GALNT18: variants seen among roughly 807,000 people sequenced by gnomAD.
The protein encoded by GALNT18 is polypeptide N-acetylgalactosaminyltransferase 18.
In GALNT18, 44 loss-of-function variants were observed where a neutral mutation model predicts 69.5. The observed-to-expected ratio is 0.63, with a 90% CI of 0.50 to 0.81. GALNT18 has a LOEUF of 0.81. Ranked by LOEUF, GALNT18 falls within the 40% of genes least tolerant of loss-of-function variation. The pLI is 0.00. For missense variants in GALNT18, 715 were observed against 810.0 expected (o/e 0.88, Z 1.42); for synonymous variants, 364 against 318.2 (o/e 1.14, Z -1.53).
At chr11:11,607,332 CCT>C (rs1324056684) in intron 1 of GALNT18, among the ~76,000 whole-genome samples, 1 of 152,032 alleles carries the variant, frequency 6.6e-6, no homozygotes, top group Non-Finnish European at 1.5e-5. Flanking sequence ...CAAAATAACC[CCT>C]GTTAATCAAG....
intron 9 of GALNT18, among the ~76,000 whole-genome samples, chr11:11,321,749 T>A (rs2133039289): frequency 6.6e-6 from 1 of 152,322 alleles, no homozygotes; most frequent in African/African-American, 2.4e-5. Context: ...ATTACAGGTG[T>A]GTGCCAACAT....
chr11:11,490,227 T>TAA (rs879361945), intron 1 of GALNT18, among the ~76,000 whole-genome samples: 6,549 of 72,472 alleles, frequency 0.09, 128 homozygotes, highest in Non-Finnish European at 0.13. Context: ...TCTCTCTCTC[T>TAA]CTCTCTAACA....
chr11:11,401,353 T>C (rs1383171905), intron 3 of GALNT18, among the ~76,000 whole-genome samples: 1 of 152,212 alleles, frequency 6.6e-6, no homozygotes, highest in Non-Finnish European at 1.5e-5. Context: ...CCAGTAAATG[T>C]GATCCTTCAC....
At chr11:11,510,388 T>C (rs560580201) in intron 1 of GALNT18, among the ~76,000 whole-genome samples, 11 of 152,290 alleles carry the variant, frequency 7.2e-5, no homozygotes, top group South Asian at 2.1e-4. Flanking sequence ...CTCCCTACCC[T>C]GGGTCGTCTC....
Position 11,439,418 on chromosome 11 carries a change from T to G in GALNT18, c.429-6631A>C, listed in dbSNP as rs1855486833. 6.6e-6 allele frequency among the ~76,000 whole-genome samples: 1 copy of G among 152,174 alleles called. No individual in the cohort carries two copies. Among genetic ancestry groups the G allele is most frequent in the Non-Finnish European group, 1.5e-5 (1 of 68,030 alleles). On this transcript the variant is annotated intron_variant, in intron 2 of 10. Coordinates refer to ENST00000227756, the MANE Select transcript of GALNT18 (RefSeq NM_198516.3). This position sits in a 1 kb window ranked among gnomAD's most constrained non-coding sequence, Gnocchi z 4.4. ...CCTGTGGTCACCTGCATAGGTTTGG[T>G]TCCTTGCTCCCTGAGAACACGTACA... is the stretch of plus-strand genomic sequence containing the variant.
intron 2 of GALNT18, among the ~76,000 whole-genome samples, chr11:11,437,525 C>G (rs988477988): frequency 6.6e-5 from 10 of 152,062 alleles, no homozygotes; most frequent in Admixed American, 3.3e-4. Flanking sequence ...AAATTTACAA[C>G]AAGGGCTTCA....
At chr11:11,489,695 A>G (rs1372058781) in intron 1 of GALNT18, among the ~76,000 whole-genome samples, 1 of 152,202 alleles carries the variant, frequency 6.6e-6, no homozygotes, top group African/African-American at 2.4e-5. Flanking sequence ...GATGATATTA[A>G]TAATAGCAAA....
intron 1 of GALNT18, among the ~76,000 whole-genome samples, chr11:11,577,542 G>A (rs561681618): frequency 7.2e-5 from 11 of 152,306 alleles, no homozygotes; most frequent in Non-Finnish European, 1.5e-4. Flanking sequence ...GAATGTCACT[G>A]GTGAGGGCCT....
intron 9 of GALNT18, among the ~76,000 whole-genome samples, chr11:11,304,989 C>T (rs561218555): frequency 6.6e-6 from 1 of 152,252 alleles, no homozygotes; most frequent in African/African-American, 2.4e-5. Flanking sequence ...GGACATCAGC[C>T]TAAGATGACT....
intron 3 of GALNT18, among the ~76,000 whole-genome samples, chr11:11,417,882 A>T (rs924254035): frequency 6.6e-6 from 1 of 152,234 alleles, no homozygotes; most frequent in African/African-American, 2.4e-5. Flanking sequence ...ACATGGTATT[A>T]ATAATACTAA....
intron 1 of GALNT18, among the ~76,000 whole-genome samples, chr11:11,456,139 G>A (rs1280551613): frequency 1.3e-5 from 2 of 152,186 alleles, no homozygotes; most frequent in Non-Finnish European, 2.9e-5. Flanking sequence ...ACTGCAGGCT[G>A]ATCTTGGGTG....
At chr11:11,359,567 C>G (rs1850599760) in intron 6 of GALNT18, among the ~76,000 whole-genome samples, 1 of 152,166 alleles carries the variant, frequency 6.6e-6, no homozygotes, top group African/African-American at 2.4e-5. Context: ...TGGACTCTGG[C>G]TCAGCCCTCC....
intron 1 of GALNT18, among the ~76,000 whole-genome samples, chr11:11,487,139 C>T (rs1267389002): frequency 6.6e-6 from 1 of 152,226 alleles, no homozygotes; most frequent in African/African-American, 2.4e-5. Flanking sequence ...TCCCCTCCCC[C>T]TTTATTTAAC....
In GALNT18 at chr11:11,320,997, T is replaced by C. The variant is rs1849831219; in HGVS notation, c.1512+6089A>G. 6.6e-6 allele frequency among the ~76,000 whole-genome samples: 1 copy of C among 152,226 alleles called. No individual in the cohort carries two copies. Among genetic ancestry groups the C allele is most frequent in the Non-Finnish European group, 1.5e-5 (1 of 68,032 alleles). On this transcript the variant is annotated intron_variant, in intron 9 of 10. Transcript: ENST00000227756. The surrounding 1 kb of genome is among the most constrained non-coding windows in gnomAD (Gnocchi z 4.9). ...GTACAGCCCAGCTGCATGAGTGTTC[T>C]GTGGCTTTGGGGGATGAGGAAGGGA...
intron 1 of GALNT18, among the ~76,000 whole-genome samples, chr11:11,462,389 A>C (rs1043367231): frequency 3.3e-5 from 5 of 149,868 alleles, no homozygotes; most frequent in African/African-American, 9.9e-5. Flanking sequence ...GGATCCTCCC[A>C]CCTCAGCCTC....
intron 3 of GALNT18, among the ~76,000 whole-genome samples, chr11:11,399,727 T>C (rs926441381): frequency 6.6e-6 from 1 of 152,198 alleles, no homozygotes. Flanking sequence ...TGATTTATGT[T>C]ATAAATTAGG....
At chr11:11,334,740 C>G (rs1427402263) in intron 7 of GALNT18, among the ~76,000 whole-genome samples, 1 of 152,152 alleles carries the variant, frequency 6.6e-6, no homozygotes, top group Non-Finnish European at 1.5e-5. Context: ...CACTCCTGCC[C>G]AGAGCCTTCT....
Position 11,601,076 on chromosome 11 carries a change from G to T in GALNT18, c.235+20283C>A, listed in dbSNP as rs1349104605. ...AATTTTTTCAGCATAGTTTCCTTTA[G>T]TTCTTTGAACAAATATATAATAGCT... On this transcript the variant is annotated intron_variant, in intron 1 of 10. Transcript: ENST00000227756. The surrounding 1 kb of genome is among the most constrained non-coding windows in gnomAD (Gnocchi z 4.0). Among the ~76,000 whole-genome samples the T allele has an allele frequency of 6.6e-6, 1 of 151,936 alleles. No homozygotes were observed. Among genetic ancestry groups the T allele is most frequent in the Non-Finnish European group, 1.5e-5 (1 of 67,984 alleles).
At chr11:11,486,869 G>A (rs1250325841) in intron 1 of GALNT18, among the ~76,000 whole-genome samples, 1 of 152,224 alleles carries the variant, frequency 6.6e-6, no homozygotes, top group East Asian at 1.9e-4. Context: ...AAATGTAAAG[G>A]GAGATGGATA....
Sources: gnomAD v4.1 joint callset for allele counts (sites outside exome capture counted in the v4.1 genomes callset) on GRCh38, gnomAD v4.1.1 for gene constraint, Gnocchi (gnomAD v3.1) non-coding constraint, MANE v1.5 for transcripts, NCBI Gene and HGNC (gene_info 2026-07-23, HGNC 2026-07-21) for gene names.